The following KIN variants were observed in gnomAD, a reference collection of about 807,000 sequenced individuals.
The protein encoded by KIN is Kin17 DNA and RNA binding protein, also known as DNA/RNA-binding protein KIN17.
In KIN, 47 loss-of-function variants were observed where a neutral mutation model predicts 63.0. That is an observed-to-expected ratio of 0.75 (90% CI 0.59 to 0.95). The LOEUF is 0.95. Ranked by LOEUF, KIN falls within the 40% of genes least tolerant of loss-of-function variation. KIN has a pLI of 0.00. For synonymous variants in KIN, 160 were observed against 157.7 expected, an observed-to-expected ratio of 1.01 and a Z score of -0.11; for missense variants, 408 against 460.9, an observed-to-expected ratio of 0.89 and a Z score of 1.05.
chr10:7,775,919 G>A, intron 5 of KIN, 120 bp from the exon 6 acceptor site: 1 of 557,752 alleles, frequency 1.8e-6, no homozygotes, highest in Non-Finnish European at 3.2e-6. Flanking sequence ...AAGTGATTAA[G>A]ATCCTAATTA....
chr10:7,787,650 G>A (rs1836053127), intron 1 of KIN, among the ~76,000 whole-genome samples, 170 bp downstream of exon 1: 1 of 152,232 alleles, frequency 6.6e-6, no homozygotes, highest in African/African-American at 2.4e-5. Context: ...GCTGCGGGGA[G>A]GGACGGCTCT....
chr10:7,757,071 T>C (rs1422811837), intron 12 of KIN, among the ~76,000 whole-genome samples: 1 of 152,190 alleles, frequency 6.6e-6, no homozygotes, highest in African/African-American at 2.4e-5. Context: ...GTGGAAATAA[T>C]GGTAATGTCT....
At chr10:7,762,299 G>C (rs1284680067) in intron 11 of KIN, among the ~76,000 whole-genome samples, 158 bp downstream of exon 11, 2 of 151,406 alleles carry the variant, frequency 1.3e-5, no homozygotes, top group African/African-American at 4.8e-5. Flanking sequence ...AGTAAACTAC[G>C]ATGCCCTTGA....
chr10:7,772,548 T>G (rs1388612101), intron 7 of KIN, among the ~76,000 whole-genome samples: 2 of 152,220 alleles, frequency 1.3e-5, no homozygotes, highest in African/African-American at 4.8e-5. Flanking sequence ...CACTTTGATA[T>G]CCACATCATT....
At position 7,783,150 on chromosome 10, in the gene KIN, GACAT is replaced by G. The variant is rs1835931813; in HGVS notation, c.136_139del (p.Met46ProfsTer31). 6.3e-7 allele frequency: 1 copy of G among 1,594,188 alleles called. No homozygotes were observed. The highest frequency in any genetic ancestry group is 1.1e-5 in the South Asian group (1 of 87,562). On this transcript the variant is annotated frameshift_variant, in exon 2 of 13. Transcript: ENST00000379562. LOFTEE classifies it high-confidence loss of function. ...CAATAGTTGTCTCTGATGAGATTCGGACATACAATGACACTTAAAGCCATTCTAC... is the reference window on the plus strand; with the variant it reads ...CAATAGTTGTCTCTGATGAGATTCGGACAATGACACTTAAAGCCATTCTAC...
chr10:7,761,300 A>G (rs1404888345), intron 11 of KIN: 1 of 152,242 alleles, frequency 6.6e-6, no homozygotes, highest in African/African-American at 2.4e-5. Flanking sequence ...AAAAGAATAA[A>G]GAATATGATA....
In KIN at chr10:7,754,775, G is replaced by A. The variant is rs1835303069; in HGVS notation, c.*1305C>T. 6.6e-6 allele frequency: 1 copy of A among 152,410 alleles called. No homozygotes were observed. Among genetic ancestry groups the A allele is most frequent in the Admixed American group, 6.5e-5 (1 of 15,286 alleles). 9.4% of individuals were successfully genotyped at this position (152,410 alleles called of 1,614,324 possible). On this transcript the variant is annotated 3_prime_UTR_variant, in exon 13 of 13. Transcript: ENST00000379562. ...AGCCAGAGACAGAGCGGAAGCCCAG[G>A]GAAGGCTGTTCACACCCGGTCCCGC...
At chr10:7,763,023 A>G (rs548144763) in intron 10 of KIN, among the ~76,000 whole-genome samples, 69 of 152,318 alleles carry the variant, frequency 4.5e-4, no homozygotes, top group African/African-American at 1.6e-3. Flanking sequence ...TGGGAGGCTG[A>G]GGCAGGTAGA....
intron 3 of KIN, 36 bp from the exon 4 acceptor site, chr10:7,780,214 G>T (rs779118735): frequency 6.2e-7 from 1 of 1,610,964 alleles, no homozygotes; most frequent in Non-Finnish European, 8.5e-7. Context: ...ATCATCAGAA[G>T]ATTATGCCAT....
In KIN at chr10:7,780,059, C is replaced by G; in HGVS notation, c.373G>C (p.Glu125Gln). Residue 125 changes from glutamate (E) to glutamine (Q), a missense_variant, in exon 4 of 13, where the codon GAA (glutamate) becomes CAA (glutamine). Transcript: ENST00000379562. ...AACTTTAAAATCTCATTCTTACCTT[C>G]TCTGCCCAGCCACTTAGTAAAATCA... is the stretch of plus-strand genomic sequence containing the variant. ...LTDFTKWLGR[E>Q]GLCKVDETPK... 2 of 1,612,262 alleles carry G rather than the reference C, an allele frequency of 1.2e-6. No individual in the cohort carries two copies. The highest frequency in any genetic ancestry group is 2.2e-5 in the East Asian group (1 of 44,750).
chr10:7,762,503 C>T lies in KIN; in HGVS notation c.972G>A (p.Lys324=), dbSNP rs149179840. Residue 324 remains lysine, a synonymous_variant, in exon 11 of 13, where the codon AAG becomes AAA. Coordinates refer to ENST00000379562, the MANE Select transcript of KIN (RefSeq NM_012311.4). ...AVVKMIDSGD[K]LKLDQTHLET... is the part of the protein sequence containing the mutation. ...CTAAATGAGTCTGGTCAAGTTTCAG[C>T]TTGTCTCCAGAATCAATCATCTTCA... 6.1e-5 allele frequency: 99 copies of T among 1,612,368 alleles called. No homozygotes were observed. The highest frequency in any genetic ancestry group is 4.3e-5 in the Non-Finnish European group (51 of 1,179,108).
intron 12 of KIN, among the ~76,000 whole-genome samples, chr10:7,757,100 G>A (rs1303709723): frequency 2.6e-5 from 4 of 152,124 alleles, no homozygotes; most frequent in African/African-American, 9.7e-5. Flanking sequence ...GGGTTGTTGG[G>A]AAATATAAAT....
At chr10:7,776,748 G>A (rs11499197) in intron 5 of KIN, among the ~76,000 whole-genome samples, 17,293 of 61,076 alleles carry the variant, frequency 0.28, 2,608 homozygotes, top group East Asian at 0.52. Context: ...AAAAAAAAAA[G>A]AAAAGAAATT....
At chr10:7,766,639 G>C (rs758554844) in intron 8 of KIN, among the ~76,000 whole-genome samples, 2 of 151,818 alleles carry the variant, frequency 1.3e-5, no homozygotes, top group Admixed American at 6.6e-5. Flanking sequence ...CGAAAATATC[G>C]AATCTTTTTC....
intron 12 of KIN, among the ~76,000 whole-genome samples, chr10:7,759,140 C>T (rs1243292548): frequency 6.6e-6 from 1 of 152,138 alleles, no homozygotes; most frequent in African/African-American, 2.4e-5. Flanking sequence ...ATTAAACTCT[C>T]TAAGTGAGCT....
intron 2 of KIN, among the ~76,000 whole-genome samples, chr10:7,780,886 C>T (rs530317203): frequency 6.6e-6 from 1 of 152,210 alleles, no homozygotes; most frequent in Admixed American, 6.5e-5. Context: ...TACCACATAC[C>T]TTTGGAATGG....
intron 7 of KIN, among the ~76,000 whole-genome samples, chr10:7,773,562 T>G (rs1389769666): frequency 6.6e-6 from 1 of 152,256 alleles, no homozygotes. Flanking sequence ...ATATCTAATG[T>G]AGGTGTTAAT....
In KIN at chr10:7,769,229, T is replaced by C. The variant is rs765763801; in HGVS notation, c.785A>G (p.Asp262Gly). 2.5e-5 allele frequency: 40 copies of C among 1,611,940 alleles called. No homozygotes were observed. Among genetic ancestry groups the C allele is most frequent in the Non-Finnish European group, 3.1e-5 (37 of 1,179,542 alleles). The change falls in exon 8 of 13, where the codon GAT becomes GGT. Residue 262 changes from aspartate to glycine, a missense_variant. By Grantham distance (94) the Asp-to-Gly change is moderately conservative. Transcript: ENST00000379562. ...KEKKKKKSAL[D>G]EIMEIEEEKK... ...CATAAACTGTACCTCCATGATTTCA[T>C]CCAGTGCAGATTTCTTTTTCTTCTT...
chr10:7,782,925 A>G (rs1835926771), intron 2 of KIN, among the ~76,000 whole-genome samples, 156 bp downstream of exon 2: 1 of 152,004 alleles, frequency 6.6e-6, no homozygotes, highest in Admixed American at 6.5e-5. Flanking sequence ...GTTTTATACT[A>G]TGATTAATTT....
Sources: allele counts gnomAD v4.1 joint callset (sites outside exome capture counted in the v4.1 genomes callset), GRCh38; gene constraint gnomAD v4.1.1; transcripts MANE v1.5; gene names NCBI Gene and HGNC (gene_info 2026-07-23, HGNC 2026-07-21).